The following SLC35F5 variants were observed in gnomAD, a reference collection of about 807,000 sequenced individuals.
SLC35F5 encodes HCV NS5A-transactivated protein 3.
Under a neutral mutation model 68.6 loss-of-function variants are expected in SLC35F5, and 54 were observed. That is an observed-to-expected ratio of 0.79 (90% confidence interval 0.63 to 0.99). The LOEUF (loss-of-function observed/expected upper bound fraction) is 0.99. Among genes scored for constraint, SLC35F5 ranks in the 50% least tolerant of loss-of-function variants. The probability of loss-of-function intolerance (pLI) is 0.00; values close to 1 mark genes in which losing one functional copy is unlikely to be tolerated. For missense variants in SLC35F5, 567 were observed against 626.9 expected (o/e 0.90, Z 1.02); for synonymous variants, 211 against 205.2 (o/e 1.03, Z -0.24).
intron 15 of SLC35F5, among the ~76,000 whole-genome samples, chr2:113,716,436 C>G (rs1687187663): frequency 6.6e-6 from 1 of 152,064 alleles, no homozygotes; most frequent in Admixed American, 6.6e-5. Context: ...TTTTTAGTGA[C>G]AACAATATAA....
chr2:113,745,345 G>C (rs1307745475), intron 5 of SLC35F5, among the ~76,000 whole-genome samples: 1 of 152,074 alleles, frequency 6.6e-6, no homozygotes, highest in Non-Finnish European at 1.5e-5. Context: ...AGACAAACAA[G>C]AAACTGTGCT....
At chr2:113,715,236 TCA>T (rs1363278215) in intron 15 of SLC35F5, 41 bp from the exon 16 acceptor site, 6 of 152,220 alleles carry the variant, frequency 3.9e-5, no homozygotes, top group African/African-American at 9.6e-5. Context: ...GATTATAATT[TCA>T]CAGTTTTAGT....
chr2:113,750,659 T>G lies in SLC35F5; in HGVS notation c.274-91A>C. 1.8e-6 allele frequency: 2 copies of G among 1,127,740 alleles called. 1 individual carries two copies. Among genetic ancestry groups the G allele is most frequent in the Non-Finnish European group, 2.4e-6 (2 of 830,920 alleles). The allele number at this position is 1,127,740 out of a possible 1,614,324, so 69.9% of individuals were successfully genotyped here. On this transcript the variant is annotated intron_variant, in intron 3 of 15. Coordinates refer to ENST00000245680, the MANE Select transcript of SLC35F5 (RefSeq NM_025181.5). ...ATAAAGTCACTACATGATTTTTAAC[T>G]CTTCAGAAGTTCACTTGGAAAGAAA...
downstream of SLC35F5, among the ~76,000 whole-genome samples, chr2:113,704,523 C>T (rs565567491): frequency 6.6e-6 from 1 of 152,202 alleles, no homozygotes; most frequent in African/African-American, 2.4e-5. Flanking sequence ...TCAGGCATGG[C>T]GGGCTGCAGG....
At chr2:113,728,719 C>T (rs746752309) in intron 11 of SLC35F5, among the ~76,000 whole-genome samples, 2 of 152,162 alleles carry the variant, frequency 1.3e-5, no homozygotes, top group Non-Finnish European at 1.5e-5. Flanking sequence ...ACTTTGAACT[C>T]TTATCATGGA....
chr2:113,726,871 T>C (rs958154521), intron 11 of SLC35F5, among the ~76,000 whole-genome samples: 2 of 152,188 alleles, frequency 1.3e-5, no homozygotes, highest in East Asian at 1.9e-4. Context: ...CCCTTCTCTA[T>C]CTTGCTTCCT....
In SLC35F5 at chr2:113,719,349, T is replaced by C. The variant is rs188819979; in HGVS notation, c.1342-41A>G. On this transcript the variant is annotated intron_variant, in intron 13 of 15. Transcript: ENST00000245680. ...AGAGGAAAAAACACACCCACAATTATCATTAAGGCAATTTTCCCCTTCAAT... is the reference window on the plus strand; with the variant it reads ...AGAGGAAAAAACACACCCACAATTACCATTAAGGCAATTTTCCCCTTCAAT... 3.5e-5 allele frequency: 52 copies of C among 1,502,386 alleles called. 1 individual carries two copies. The Admixed American group carries it at 1.2e-3, about 35-fold the overall frequency. The allele number at this position is 1,502,386 out of a possible 1,614,324, so 93.1% of individuals were successfully genotyped here.
In SLC35F5 at chr2:113,708,707, A is replaced by AAAAAAAT. The variant is rs925783358; in HGVS notation, c.*6504_*6510dup. On this transcript the variant is annotated 3_prime_UTR_variant, in exon 16 of 16. Transcript: ENST00000245680. ...GGCAATGGAGTGAGACTCTGTCTCA[A>AAAAAAAT]AAAAAATAAAAAATAAAAAATAAAA... Among the ~76,000 whole-genome samples the AAAAAAAT allele has an allele frequency of 5.9e-5, 9 of 152,098 alleles. No homozygotes were observed. The highest frequency in any genetic ancestry group is 3.4e-3 in the Middle Eastern group (1 of 292).
intron 7 of SLC35F5, 58 bp downstream of exon 7, chr2:113,742,634 T>TA: frequency 6.5e-7 from 1 of 1,537,790 alleles, no homozygotes; most frequent in Non-Finnish European, 9.0e-7. Context: ...TTGGTATGTA[T>TA]ACAGTCTTAA....
At chr2:113,755,784 G>A in intron 1 of SLC35F5, 3 of 1,425,190 alleles carry the variant, frequency 2.1e-6, no homozygotes, top group Admixed American at 3.9e-5. Context: ...TACAACATAC[G>A]GCACATTTAA....
At position 113,735,765 on chromosome 2, in the gene SLC35F5, C is replaced by A; in HGVS notation, c.832+12G>T. 1.3e-6 allele frequency: 2 copies of A among 1,573,832 alleles called. No homozygotes were observed. On this transcript the variant is annotated intron_variant, in intron 8 of 15. Transcript: ENST00000245680. ...GATTTATAATGCAGATTTTTAAAGA[C>A]AAATTTCTTACCGGAAGTTGAAGAT...
intron 4 of SLC35F5, among the ~76,000 whole-genome samples, chr2:113,749,988 T>A (rs1220364766): frequency 1.3e-5 from 2 of 152,126 alleles, no homozygotes; most frequent in Admixed American, 6.6e-5. Context: ...TATAATTTGA[T>A]TAGCCAAACA....
intron 3 of SLC35F5, among the ~76,000 whole-genome samples, chr2:113,752,723 G>A (rs373150131): frequency 6.6e-6 from 1 of 151,974 alleles, no homozygotes; most frequent in African/African-American, 2.4e-5. Flanking sequence ...AATGCAATGC[G>A]TGATCTTCAT....
At position 113,731,661 on chromosome 2, in the gene SLC35F5, C is replaced by G. The variant is rs746827715; in HGVS notation, c.921-13G>C. The G allele has an allele frequency of 1.0e-5, 16 of 1,607,166 alleles. No individual in the cohort carries two copies. The highest frequency in any genetic ancestry group is 1.3e-5 in the Non-Finnish European group (15 of 1,174,220). On this transcript the variant is annotated splice_polypyrimidine_tract_variant and intron_variant, in intron 9 of 15. Coordinates refer to ENST00000245680, the MANE Select transcript of SLC35F5 (RefSeq NM_025181.5). ...AACGCCTCCAATGCTATGAGAATAACAGTCATTAATGATGAGCTAAAGAAT... is the reference window on the plus strand; with the variant it reads ...AACGCCTCCAATGCTATGAGAATAAGAGTCATTAATGATGAGCTAAAGAAT...
At position 113,731,587 on chromosome 2, in the gene SLC35F5, C is replaced by T. The variant is rs1359735479; in HGVS notation, c.982G>A (p.Val328Ile). 1.9e-6 allele frequency: 3 copies of T among 1,612,036 alleles called. No homozygotes were observed. The highest frequency in any genetic ancestry group is 2.2e-5 in the East Asian group (1 of 44,836). Residue 328 changes from valine to isoleucine, a missense_variant, in exon 10 of 16, where the codon GTA (valine) becomes ATA (isoleucine). Transcript: ENST00000245680. Reference protein sequence around the residue: ...GSEKPAGRDTVGSIWSLAGAM... With the variant: ...GSEKPAGRDTIGSIWSLAGAM... ...GAATCCAGAGTCCAGTACTTACCTA[C>T]TGTGTCTCTTCCAGCAGGTTTTTCA...
At chr2:113,718,821 G>A (rs1264267066) in intron 14 of SLC35F5, among the ~76,000 whole-genome samples, 4 of 140,576 alleles carry the variant, frequency 2.8e-5, no homozygotes, top group African/African-American at 1.1e-4. Context: ...AGAAAGAGAA[G>A]AAAGAAAGAG....
intron 14 of SLC35F5, among the ~76,000 whole-genome samples, chr2:113,718,829 G>T (rs1687277582): frequency 6.9e-6 from 1 of 144,014 alleles, no homozygotes; most frequent in Non-Finnish European, 1.5e-5. Context: ...AAGAAAGAAA[G>T]AGGGAAAGAA....
intron 1 of SLC35F5, chr2:113,755,958 GAGTA>G (rs1438333373): frequency 1.8e-5 from 28 of 1,549,796 alleles, no homozygotes; most frequent in East Asian, 4.9e-5. Context: ...GGTTATCGGA[GAGTA>G]AGTGATTTGC....
chr2:113,702,926 T>C (rs540050527), downstream of SLC35F5, among the ~76,000 whole-genome samples: 1 of 152,060 alleles, frequency 6.6e-6, no homozygotes, highest in African/African-American at 2.4e-5. Context: ...CTAGGCAAAA[T>C]AGCAAGACCT....
Sources: allele counts gnomAD v4.1 joint callset (sites outside exome capture counted in the v4.1 genomes callset), GRCh38; gene constraint gnomAD v4.1.1; transcripts MANE v1.5; gene names NCBI Gene and HGNC (gene_info 2026-07-23, HGNC 2026-07-21).